Variants in MCM9 observed in about 807,000 individuals in gnomAD.
MCM9 encodes the protein DNA helicase MCM9.
A neutral mutation model predicts 72.8 loss-of-function variants in MCM9; 55 were observed. The ratio of observed to expected loss-of-function variants is 0.76; its 90% CI spans 0.61 to 0.95. The LOEUF is 0.95. Among genes scored for constraint, MCM9 ranks in the 40% least tolerant of loss-of-function variants. MCM9 has a pLI of 0.00. For missense variants in MCM9, 1,279 were observed against 1,377.0 expected, an observed-to-expected ratio of 0.93 and a Z score of 1.13; for synonymous variants, 480 against 503.4, an observed-to-expected ratio of 0.95 and a Z score of 0.62.
chr6:118,844,797 G>C (rs1775744309), intron 9 of MCM9, among the ~76,000 whole-genome samples: 1 of 151,852 alleles, frequency 6.6e-6, no homozygotes, highest in Non-Finnish European at 1.5e-5. Flanking sequence ...TGTCCAGACT[G>C]TTCTGTCTGT....
At chr6:118,912,445 C>A (rs1780624275) in intron 7 of MCM9, 1 of 152,154 alleles carries the variant, frequency 6.6e-6, no homozygotes, top group Non-Finnish European at 1.5e-5. Flanking sequence ...TCCTATGGTA[C>A]ATATGATTTC....
At chr6:118,918,516 C>T (rs1781146706) in intron 5 of MCM9, 1 of 152,228 alleles carries the variant, frequency 6.6e-6, no homozygotes. Flanking sequence ...TCGCCAAACA[C>T]TGCCATCTGT....
At chr6:118,920,908 T>C (rs1781375531) in intron 5 of MCM9, 1 of 152,204 alleles carries the variant, frequency 6.6e-6, no homozygotes, top group South Asian at 2.1e-4. Context: ...AACATCACCC[T>C]TCCACAAATA....
intron 3 of MCM9, 58 bp from the exon 4 acceptor site, chr6:118,924,185 G>A (rs1781678820): frequency 7.1e-7 from 1 of 1,412,906 alleles, no homozygotes; most frequent in Non-Finnish European, 9.7e-7. Flanking sequence ...GACTCCAAGG[G>A]ATATATTCTT....
At chr6:118,839,271 C>A (rs775665676) in intron 9 of MCM9, among the ~76,000 whole-genome samples, 1 of 151,750 alleles carries the variant, frequency 6.6e-6, no homozygotes, top group Non-Finnish European at 1.5e-5. Context: ...TTTTCAGCTC[C>A]GTCAGGTCAT....
chr6:118,877,908 A>G (rs1453779851), intron 8 of MCM9, among the ~76,000 whole-genome samples: 2 of 152,198 alleles, frequency 1.3e-5, no homozygotes, highest in Non-Finnish European at 2.9e-5. Context: ...CTCACCTGTA[A>G]TCTCAACACT....
In MCM9 at chr6:118,905,080, C is replaced by A. The variant is rs1034433510; in HGVS notation, c.1150+6570G>T. Among the ~76,000 whole-genome samples, 6 of 152,304 alleles carry A rather than the reference C, an allele frequency of 3.9e-5. No homozygotes were observed. In the East Asian group the frequency reaches 7.7e-4, roughly 20 times the overall value. On this transcript the variant is annotated intron_variant, in intron 8 of 13. Coordinates refer to ENST00000619706, the MANE Select transcript of MCM9 (RefSeq NM_017696.3). ...CTCAATCTCTTGACCTCATGATCCA[C>A]CCACCTTGGCCTCCCAAAGTGCTGG...
intron 9 of MCM9, among the ~76,000 whole-genome samples, chr6:118,836,761 A>G (rs548057671): frequency 2.0e-5 from 3 of 151,930 alleles, no homozygotes; most frequent in African/African-American, 7.3e-5. Context: ...TCTGGCTAGC[A>G]GTCTATTTTA....
At chr6:118,893,919 C>CCTTCCCGCCGCAGCCACG in intron 8 of MCM9, 2 of 698,656 alleles carry the variant, frequency 2.9e-6, no homozygotes, top group Non-Finnish European at 3.5e-6. Flanking sequence ...CCGGATCGCG[C>CCTTCCCGCCGCAGCCACG]CCTCCCGCCG....
intron 9 of MCM9, among the ~76,000 whole-genome samples, chr6:118,854,337 G>A (rs569595528): frequency 9.9e-5 from 15 of 152,212 alleles, no homozygotes; most frequent in Middle Eastern, 6.8e-3. Context: ...TGAAGTATGA[G>A]ACGCAGGTGT....
chr6:118,888,441 C>T (rs1442589642), intron 8 of MCM9, among the ~76,000 whole-genome samples: 2 of 152,086 alleles, frequency 1.3e-5, no homozygotes, highest in Non-Finnish European at 2.9e-5. Context: ...GAGCCGAGAT[C>T]ACGCCACTGC....
In MCM9 at chr6:118,815,940, C is replaced by T. The variant is rs1404666387; in HGVS notation, c.2316G>A (p.Met772Ile). The change falls in exon 14 of 14, where the codon ATG (methionine) becomes ATA (isoleucine). Residue 772 changes from methionine to isoleucine, a missense_variant. Physicochemically the swap from Met to Ile is conservative, Grantham distance 10. Coordinates refer to ENST00000619706, the MANE Select transcript of MCM9 (RefSeq NM_017696.3). ...ATGTGCTGTTAGAGATCTTCGAAGCCATATTTTCTCCAGATGTTTTGGGAT... is the reference window on the plus strand; with the variant it reads ...ATGTGCTGTTAGAGATCTTCGAAGCTATATTTTCTCCAGATGTTTTGGGAT... Reference protein sequence around the residue: ...SPHPKTSGENMASKISNSTSQ... With the variant: ...SPHPKTSGENIASKISNSTSQ... The T allele has an allele frequency of 3.9e-6, 6 of 1,550,034 alleles. No homozygotes were observed. Among genetic ancestry groups the T allele is most frequent in the Non-Finnish European group, 4.4e-6 (5 of 1,146,960 alleles).
At chr6:118,844,870 AT>A (rs1775750009) in intron 9 of MCM9, among the ~76,000 whole-genome samples, 1 of 151,784 alleles carries the variant, frequency 6.6e-6, no homozygotes, top group East Asian at 1.9e-4. Flanking sequence ...TCTTTAGTAT[AT>A]TTCTTAAGTG....
chr6:118,894,584 C>G (rs746034575), intron 8 of MCM9: 17 of 1,379,384 alleles, frequency 1.2e-5, no homozygotes, highest in Non-Finnish European at 1.5e-5. Flanking sequence ...GAAAGTTTCC[C>G]GGGCCGGGCC....
intron 8 of MCM9, among the ~76,000 whole-genome samples, chr6:118,865,482 G>A (rs930629328): frequency 5.9e-5 from 9 of 152,084 alleles, no homozygotes; most frequent in African/African-American, 1.2e-4. Context: ...CACTTCTAAC[G>A]GCTACATCCC....
chr6:118,920,443 G>T (rs1311803083), intron 5 of MCM9: 1 of 152,254 alleles, frequency 6.6e-6, no homozygotes, highest in East Asian at 1.9e-4. Context: ...AGTCTATGGT[G>T]ATTTGTTAGA....
At chr6:118,853,949 T>C (rs1432989440) in intron 9 of MCM9, among the ~76,000 whole-genome samples, 2 of 152,378 alleles carry the variant, frequency 1.3e-5, no homozygotes, top group Admixed American at 6.5e-5. Flanking sequence ...CAGTTTTTAA[T>C]GTATAAATGT....
chr6:118,863,302 T>C (rs1412418944), intron 8 of MCM9, among the ~76,000 whole-genome samples: 1 of 152,198 alleles, frequency 6.6e-6, no homozygotes, highest in East Asian at 1.9e-4. Context: ...ACAGGTATAG[T>C]GTTATTTTAA....
intron 8 of MCM9, chr6:118,907,720 T>A: frequency 1.2e-6 from 1 of 838,908 alleles, no homozygotes; most frequent in Non-Finnish European, 1.9e-6. Context: ...AGAATTTGTT[T>A]AAAAACATCC....
Sources: gnomAD v4.1 joint callset for allele counts (sites outside exome capture counted in the v4.1 genomes callset) on GRCh38, gnomAD v4.1.1 for gene constraint, MANE v1.5 for transcripts, NCBI Gene and HGNC (gene_info 2026-07-23, HGNC 2026-07-21) for gene names.